SUGCT: variants seen among roughly 807,000 people sequenced by gnomAD.
SUGCT encodes succinyl-CoA:glutarate CoA-transferase.
A neutral mutation model predicts 55.0 loss-of-function variants in SUGCT; 41 were observed. That is an observed-to-expected ratio of 0.74 (90% CI 0.58 to 0.97). The LOEUF (loss-of-function observed/expected upper bound fraction) is 0.97, where lower values mean the gene tolerates loss of function less well. Among genes scored for constraint, SUGCT ranks in the 50% least tolerant of loss-of-function variants. The probability of loss-of-function intolerance (pLI) is 0.00; values close to 1 mark genes in which losing one functional copy is unlikely to be tolerated. For synonymous variants in SUGCT, 187 were observed against 200.4 expected (o/e 0.93, Z 0.56); for missense variants, 568 against 547.8 (o/e 1.04, Z -0.37).
chr7:40,276,819 GTCTGTC>G (rs777566625), intron 8 of SUGCT, among the ~76,000 whole-genome samples: 1 of 125,310 alleles, frequency 8.0e-6, no homozygotes, highest in African/African-American at 3.5e-5. Flanking sequence ...GTGTGTGTGT[GTCTGTC>G]TGTCTGTCTG....
chr7:40,919,390 A>G, the SUGCT span, among the ~76,000 whole-genome samples: 2 of 152,320 alleles, frequency 1.3e-5, no homozygotes, highest in South Asian at 4.1e-4. Flanking sequence ...TTACCTTTGA[A>G]TCAACCATCT....
chr7:40,594,167 G>A (rs1367735843), intron 12 of SUGCT, among the ~76,000 whole-genome samples: 2 of 151,994 alleles, frequency 1.3e-5, no homozygotes, highest in Non-Finnish European at 2.9e-5. Context: ...ACACTCTGGG[G>A]ACTGTGGTGG....
At chr7:40,726,360 C>T (rs1050627732) in intron 12 of SUGCT, among the ~76,000 whole-genome samples, 6 of 151,926 alleles carry the variant, frequency 3.9e-5, no homozygotes, top group Admixed American at 2.0e-4. Flanking sequence ...AATATATTTA[C>T]TATTCATTAA....
downstream of SUGCT, among the ~76,000 whole-genome samples, chr7:40,861,414 A>G (rs1794482700): frequency 6.6e-6 from 1 of 152,222 alleles, no homozygotes; most frequent in Admixed American, 6.5e-5. Flanking sequence ...AAGTATAAAA[A>G]ACACCTGTGT....
the SUGCT span, among the ~76,000 whole-genome samples, chr7:40,909,892 G>A: frequency 3.3e-5 from 5 of 152,100 alleles, 1 homozygote; most frequent in Admixed American, 2.0e-4. Context: ...CAGCAACTTG[G>A]TTAGACAGGG....
At chr7:40,671,144 C>T (rs79334052) in intron 12 of SUGCT, among the ~76,000 whole-genome samples, 26,453 of 152,076 alleles carry the variant, frequency 0.17, 2,390 homozygotes, top group African/African-American at 0.2. Flanking sequence ...GTGTGAAACC[C>T]GTATATCAAT....
At chr7:40,852,301 C>G (rs982736271) in intron 13 of SUGCT, among the ~76,000 whole-genome samples, 1 of 152,122 alleles carries the variant, frequency 6.6e-6, no homozygotes, top group African/African-American at 2.4e-5. Flanking sequence ...ACTAGGATAC[C>G]TCTCAAAAAC....
At chr7:40,989,902 G>A in the SUGCT span, among the ~76,000 whole-genome samples, 42,237 of 152,094 alleles carry the variant, frequency 0.28, 7,319 homozygotes, top group Admixed American at 0.44. Flanking sequence ...TACCACATCC[G>A]TGGTTACTTT....
At chr7:40,410,265 T>C (rs1786599907) in intron 9 of SUGCT, among the ~76,000 whole-genome samples, 1 of 152,192 alleles carries the variant, frequency 6.6e-6, no homozygotes, top group Non-Finnish European at 1.5e-5. Context: ...TTTTCAATTA[T>C]TACTTTAAAT....
intron 8 of SUGCT, among the ~76,000 whole-genome samples, chr7:40,293,934 G>A (rs1793952440): frequency 6.6e-6 from 1 of 152,004 alleles, no homozygotes; most frequent in African/African-American, 2.4e-5. Flanking sequence ...AACATACAGT[G>A]ATTTAGAAAG....
intron 7 of SUGCT, among the ~76,000 whole-genome samples, chr7:40,268,247 T>C (rs1293217545): frequency 6.6e-6 from 1 of 152,184 alleles, no homozygotes; most frequent in Non-Finnish European, 1.5e-5. Flanking sequence ...TACCTATTTG[T>C]GGTCATTCCC....
At chr7:40,448,875 TA>T (rs1381024437) in intron 9 of SUGCT, among the ~76,000 whole-genome samples, 1 of 151,510 alleles carries the variant, frequency 6.6e-6, no homozygotes, top group African/African-American at 2.4e-5. Context: ...CACACACTCA[TA>T]TATACATACA....
chr7:40,715,524 A>G (rs779556819), intron 12 of SUGCT, among the ~76,000 whole-genome samples: 7 of 152,152 alleles, frequency 4.6e-5, no homozygotes, highest in Non-Finnish European at 8.8e-5. Flanking sequence ...CAATGTGTCT[A>G]AAACTGAGCT....
At chr7:40,899,848 T>A in the SUGCT span, among the ~76,000 whole-genome samples, 1 of 152,184 alleles carries the variant, frequency 6.6e-6, no homozygotes, top group African/African-American at 2.4e-5. Flanking sequence ...AACCTGCCAC[T>A]CCTTCCCGAG....
chr7:40,137,037 A>G (rs1163962428), intron 1 of SUGCT, among the ~76,000 whole-genome samples: 1 of 152,090 alleles, frequency 6.6e-6, no homozygotes, highest in Non-Finnish European at 1.5e-5. Context: ...CACATACATC[A>G]CATAGGTAAT....
chr7:40,847,391 T>A (rs568568822), intron 13 of SUGCT, among the ~76,000 whole-genome samples: 1 of 149,164 alleles, frequency 6.7e-6, no homozygotes, highest in Non-Finnish European at 1.5e-5. Context: ...AGATGACATA[T>A]ACATTTCTTT....
At chr7:40,721,799 C>G (rs539667698) in intron 12 of SUGCT, among the ~76,000 whole-genome samples, 4 of 152,188 alleles carry the variant, frequency 2.6e-5, no homozygotes, top group Non-Finnish European at 5.9e-5. Flanking sequence ...TTTCTTCTAT[C>G]TCTGTTTATG....
At position 40,186,342 on chromosome 7, in the gene SUGCT, TTG is replaced by T. The variant is rs368234816; in HGVS notation, c.227-2152_227-2151del. On this transcript the variant is annotated intron_variant, in intron 3 of 13. Transcript: ENST00000335693. ...GGCGCACTCCTGGCTCAGTGCAGCA[TTG>T]ACCTCCTGAGCTCAAGTGATCCTAC... Among the ~76,000 whole-genome samples the T allele has an allele frequency of 3.3e-3, 502 of 151,462 alleles. 3 individuals are homozygous for T. Among genetic ancestry groups the T allele is most frequent in the African/African-American group, 0.011 (474 of 41,286 alleles).
chr7:40,442,455 T>C (rs932695551), intron 9 of SUGCT, among the ~76,000 whole-genome samples: 1 of 152,172 alleles, frequency 6.6e-6, no homozygotes, highest in Non-Finnish European at 1.5e-5. Flanking sequence ...AATAGTTGCT[T>C]CTTCTGGGTG....
Sources: allele counts gnomAD v4.1 joint callset (sites outside exome capture counted in the v4.1 genomes callset), GRCh38; gene constraint gnomAD v4.1.1; transcripts MANE v1.5; gene names NCBI Gene and HGNC (gene_info 2026-07-23, HGNC 2026-07-21).